POLI: variants seen among roughly 807,000 people sequenced by gnomAD.
POLI encodes DNA polymerase iota, also known as RAD30 homolog B.
In POLI, 58 loss-of-function variants were observed where a neutral mutation model predicts 51.6. That is an observed-to-expected ratio of 1.12 (90% CI 0.91 to 1.40). The LOEUF (loss-of-function observed/expected upper bound fraction) is 1.40, where lower values mean the gene tolerates loss of function less well. Among genes scored for constraint, POLI ranks in the 40% most tolerant of loss-of-function variants. The probability of loss-of-function intolerance (pLI) is 0.00; values close to 1 mark genes in which losing one functional copy is unlikely to be tolerated. For synonymous variants in POLI, 322 were observed against 299.7 expected (o/e 1.07, Z -0.77); for missense variants, 921 against 871.3 (o/e 1.06, Z -0.72).
chr18:54,316,033 A>G (rs560245654), intron 3 of POLI, among the ~76,000 whole-genome samples: 48 of 152,048 alleles, frequency 3.2e-4, no homozygotes, highest in South Asian at 4.2e-4. Flanking sequence ...TTCCTGCCTC[A>G]GCCTCCTGAG....
intron 3 of POLI, among the ~76,000 whole-genome samples, chr18:54,311,728 A>G (rs1466274483): frequency 6.6e-6 from 1 of 152,200 alleles, no homozygotes; most frequent in African/African-American, 2.4e-5. Flanking sequence ...AAGATGCACC[A>G]AAGTTTAGGT....
chr18:54,295,730 C>G lies in POLI; in HGVS notation c.*1263C>G, dbSNP rs1224797382. 1.0e-5 allele frequency: 2 copies of G among 198,506 alleles called. No individual in the cohort carries two copies. Among genetic ancestry groups the G allele is most frequent in the African/African-American group, 4.7e-5 (2 of 42,300 alleles). 12.3% of individuals were successfully genotyped at this position (198,506 alleles called of 1,614,324 possible). A position where few individuals can be genotyped will look rare whatever the true frequency, so the allele number is the denominator to read the frequency against. On this transcript the variant is annotated 3_prime_UTR_variant, in exon 10 of 10. Coordinates refer to ENST00000579534, the MANE Select transcript of POLI (RefSeq NM_007195.3). ...ACAACCTCCGCCTCCCAGGTTCAAG[C>G]AATTCTCCTGCCTCAGCCTCCTGAG...
In POLI at chr18:54,294,405, C is replaced by G. The variant is rs749741047; in HGVS notation, c.2161C>G (p.Gln721Glu). Residue 721 changes from glutamine to glutamate, a missense_variant, in exon 10 of 10, where the codon CAA becomes GAA. By Grantham distance (29) the Gln-to-Glu change is conservative. Transcript: ENST00000579534. ...TTTCTATGAACTACCAGAAGCAGTA[C>G]AAAAGGAACTGCTGGCAGAGTGGAA... ...QVFYELPEAVQKELLAEWKRA... is the reference protein window; with the variant it reads ...QVFYELPEAVEKELLAEWKRA... 5 of 1,612,800 alleles carry G rather than the reference C, an allele frequency of 3.1e-6. No homozygotes were observed. In the South Asian group the frequency reaches 3.3e-5, roughly 11 times the overall value.
downstream of POLI, among the ~76,000 whole-genome samples, chr18:54,299,072 A>C (rs1599266028): frequency 6.6e-6 from 1 of 152,310 alleles, no homozygotes; most frequent in African/African-American, 2.4e-5. Flanking sequence ...AGCCAGGCCT[A>C]CCTCAGACAT....
chr18:54,305,290 T>G (rs990711831), intron 3 of POLI, among the ~76,000 whole-genome samples: 1 of 152,214 alleles, frequency 6.6e-6, no homozygotes, highest in African/African-American at 2.4e-5. Context: ...TTTTTCCAAT[T>G]CTGTGAAGAA....
intron 3 of POLI, among the ~76,000 whole-genome samples, chr18:54,308,000 C>T (rs2144640789): frequency 6.6e-6 from 1 of 152,020 alleles, no homozygotes; most frequent in East Asian, 1.9e-4. Flanking sequence ...TGGGTCTCCT[C>T]AATACAGCAC....
downstream of POLI, among the ~76,000 whole-genome samples, chr18:54,298,686 G>T (rs2088437020): frequency 6.7e-6 from 1 of 149,360 alleles, no homozygotes; most frequent in Admixed American, 6.8e-5. Context: ...CATCTCCTGG[G>T]TTCAAGTGAT....
In POLI at chr18:54,274,096, A is replaced by T. The variant is rs2087131600; in HGVS notation, c.406+6A>T. Reference sequence around the variant, plus strand: ...AATGTCTTATAAGGTTACAGGTACAAATGATAAGCAATGTACTTTTAGCAT... The same window carrying T: ...AATGTCTTATAAGGTTACAGGTACATATGATAAGCAATGTACTTTTAGCAT... On this transcript the variant is annotated splice_donor_region_variant and intron_variant, in intron 3 of 9. Coordinates refer to ENST00000579534, the MANE Select transcript of POLI (RefSeq NM_007195.3). 7.4e-7 allele frequency: 1 copy of T among 1,356,792 alleles called. No homozygotes were observed. The highest frequency in any genetic ancestry group is 9.7e-7 in the Non-Finnish European group (1 of 1,036,170). 84.0% of individuals were successfully genotyped at this position (1,356,792 alleles called of 1,614,324 possible).
Position 54,293,725 on chromosome 18 carries a change from T to C in POLI, c.1481T>C (p.Ile494Thr). 2 of 1,603,060 alleles carry C rather than the reference T, an allele frequency of 1.2e-6. No individual in the cohort carries two copies. The highest frequency in any genetic ancestry group is 1.7e-6 in the Non-Finnish European group (2 of 1,175,298). ...TNRDFLPSGR[I>T]ESTRTRESPL... ...CGGGATTTCCTACCAAGTGGAAGAA[T>C]TGAAAGTACAAGAACTAGGGAGTCT... The change falls in exon 10 of 10, where the codon ATT (isoleucine) becomes ACT (threonine). Residue 494 changes from isoleucine to threonine, a missense_variant. Physicochemically the swap from Ile to Thr is moderately conservative, Grantham distance 89. Transcript: ENST00000579534.
At chr18:54,311,439 G>A (rs564162056) in intron 3 of POLI, among the ~76,000 whole-genome samples, 1 of 152,276 alleles carries the variant, frequency 6.6e-6, no homozygotes, top group Non-Finnish European at 1.5e-5. Flanking sequence ...GGTCAGTATA[G>A]TATATTTGTG....
chr18:54,287,509 A>C, intron 8 of POLI, 98 bp downstream of exon 8: 3 of 803,500 alleles, frequency 3.7e-6, no homozygotes, highest in Non-Finnish European at 6.1e-6. Flanking sequence ...GGGTCTTCAC[A>C]GGGAATTAGC....
chr18:54,282,689 T>G (rs1239556241), intron 5 of POLI, 148 bp from the exon 6 acceptor site: 1 of 550,822 alleles, frequency 1.8e-6, no homozygotes, highest in African/African-American at 1.9e-5. Flanking sequence ...CCACTGAAGG[T>G]CTTAGAATGT....
chr18:54,293,660 C>G lies in POLI; in HGVS notation c.1416C>G (p.Asp472Glu), dbSNP rs200144217. Residue 472 changes from aspartate to glutamate, a missense_variant, in exon 10 of 10, where the codon GAC becomes GAG. Asp to Glu is a conservative substitution (Grantham distance 45). Coordinates refer to ENST00000579534, the MANE Select transcript of POLI (RefSeq NM_007195.3). ...RSGKHSFKMK[D>E]THMEDFPKDK... ...TTCTTGTGTTCTAGAAAATGAAAGA[C>G]ACTCATATGGAAGATTTTCCCAAAG... is the stretch of plus-strand genomic sequence containing the variant. 2.8e-4 allele frequency: 441 copies of G among 1,562,634 alleles called. 2 individuals are homozygous for G. In the Middle Eastern group the frequency reaches 8.1e-3, roughly 29 times the overall value.
intron 1 of POLI, chr18:54,270,033 G>A (rs2086932283): frequency 3.0e-6 from 3 of 1,008,124 alleles, no homozygotes; most frequent in South Asian, 4.4e-5. Flanking sequence ...TTGGCAGAAG[G>A]TGGGACCCGG....
chr18:54,300,247 AATATATTGTAGGATTACAATATATG>A, downstream of POLI, among the ~76,000 whole-genome samples: 1 of 152,114 alleles, frequency 6.6e-6, no homozygotes, highest in African/African-American at 2.4e-5. Context: ...AATTATTAAA[AATATATTGTAGGATTACAATATATG>A]TGGGAGTAAA....
chr18:54,293,262 A>G (rs2088113120), intron 9 of POLI, among the ~76,000 whole-genome samples: 1 of 151,948 alleles, frequency 6.6e-6, no homozygotes, highest in Non-Finnish European at 1.5e-5. Flanking sequence ...ATTTTTGGAA[A>G]ACTAGCCCTT....
chr18:54,271,105 T>C (rs2086984424), intron 1 of POLI: 1 of 294,188 alleles, frequency 3.4e-6, no homozygotes, highest in Non-Finnish European at 6.3e-6. Context: ...CCATTATTTA[T>C]CACATTTTTT....
In POLI at chr18:54,293,658, G is replaced by C; in HGVS notation, c.1414G>C (p.Asp472His). ...TATTCTTGTGTTCTAGAAAATGAAA[G>C]ACACTCATATGGAAGATTTTCCCAA... Reference protein sequence around the residue: ...RSGKHSFKMKDTHMEDFPKDK... With the variant: ...RSGKHSFKMKHTHMEDFPKDK... The change falls in exon 10 of 10, where the codon GAC (aspartate) becomes CAC (histidine). Residue 472 changes from aspartate to histidine, a missense_variant. Asp to His is a moderately conservative substitution (Grantham distance 81). Transcript: ENST00000579534. 3 of 1,557,970 alleles carry C rather than the reference G, an allele frequency of 1.9e-6. No individual in the cohort carries two copies. The highest frequency in any genetic ancestry group is 2.6e-6 in the Non-Finnish European group (3 of 1,156,256).
rs2087795103 is a variant in POLI, at chr18:54,287,338, C to T, written c.1125C>T (p.Ser375=). Reference sequence around the variant, plus strand: ...TGAGATTAATAATCCGTCGGTATTCCTCTGAGAAGCACTATGGTCGTGAGA... The same window carrying T: ...TGAGATTAATAATCCGTCGGTATTCTTCTGAGAAGCACTATGGTCGTGAGA... The part of the protein sequence containing the change: ...HTVRLIIRRY[S]SEKHYGRESR... The change falls in exon 8 of 10, where the codon TCC becomes TCT. Residue 375 remains serine (S), a synonymous_variant. Transcript: ENST00000579534. 1.3e-6 allele frequency: 2 copies of T among 1,594,238 alleles called. No homozygotes were observed. The highest frequency in any genetic ancestry group is 1.7e-6 in the Non-Finnish European group (2 of 1,166,470).
Sources: allele counts gnomAD v4.1 joint callset (sites outside exome capture counted in the v4.1 genomes callset), GRCh38; gene constraint gnomAD v4.1.1; transcripts MANE v1.5; gene names NCBI Gene and HGNC (gene_info 2026-07-23, HGNC 2026-07-21).